Variants in TCERG1 observed in about 807,000 individuals in gnomAD.
TCERG1 encodes the protein TATA box binding protein (TBP)-associated factor, RNA polymerase II, S, 150kD.
A neutral mutation model predicts 144.7 loss-of-function variants in TCERG1; 37 were observed. The observed-to-expected ratio is 0.26, with a 90% CI of 0.20 to 0.34. The LOEUF (loss-of-function observed/expected upper bound fraction) is 0.34. Among genes scored for constraint, TCERG1 ranks in the 10% least tolerant of loss-of-function variants. The probability of loss-of-function intolerance (pLI) is 1.00; values close to 1 mark genes in which losing one functional copy is unlikely to be tolerated. For synonymous variants in TCERG1, 492 were observed against 458.2 expected (o/e 1.07, Z -0.94); for missense variants, 1,027 against 1,380.7 (o/e 0.74, Z 4.06).
chr5:146,454,981 G>C (rs1228099153), intron 1 of TCERG1, 75 bp from the exon 2 acceptor site: 1 of 1,468,618 alleles, frequency 6.8e-7, no homozygotes, highest in Non-Finnish European at 9.4e-7. Flanking sequence ...AAATTTGATG[G>C]ATGTAATTAG....
chr5:146,463,871 G>GT, intron 5 of TCERG1, 78 bp downstream of exon 5: 1 of 1,574,462 alleles, frequency 6.4e-7, no homozygotes, highest in Non-Finnish European at 8.7e-7. Flanking sequence ...TGTCTGTTGC[G>GT]TTTGAAATTT....
chr5:146,501,487 C>T (rs558438876), intron 17 of TCERG1, among the ~76,000 whole-genome samples: 5 of 152,306 alleles, frequency 3.3e-5, no homozygotes, highest in South Asian at 2.1e-4. Context: ...TTATAGGTTT[C>T]GTGTCTAATA....
intron 16 of TCERG1, among the ~76,000 whole-genome samples, chr5:146,497,290 C>A (rs756286644): frequency 8.5e-5 from 13 of 152,168 alleles, no homozygotes; most frequent in Non-Finnish European, 1.0e-4. Flanking sequence ...TTTGCCTCAG[C>A]TTCTCAAGTA....
At position 146,500,962 on chromosome 5, in the gene TCERG1, G is replaced by A. The variant is rs149407697; in HGVS notation, c.2433+2276G>A. ...AGTCAAGGTTGCAGTGAGTTTTGAT[G>A]GTTCCACTGCACTCCAGCCTGGACA... On this transcript the variant is annotated intron_variant, in intron 17 of 22. Transcript: ENST00000679501. Among the ~76,000 whole-genome samples, 658 of 149,706 alleles carry A rather than the reference G, an allele frequency of 4.4e-3. 2 individuals are homozygous for A. The highest frequency in any genetic ancestry group is 0.015 in the African/African-American group (627 of 40,512).
intron 9 of TCERG1, 131 bp from the exon 10 acceptor site, chr5:146,478,362 A>G (rs773527325): frequency 1.3e-4 from 116 of 912,446 alleles, no homozygotes; most frequent in African/African-American, 6.5e-4. Flanking sequence ...TTCTCTGTAA[A>G]TAACTATTGG....
intron 9 of TCERG1, among the ~76,000 whole-genome samples, chr5:146,476,706 G>A (rs1454964339): frequency 6.6e-6 from 1 of 152,110 alleles, no homozygotes; most frequent in African/African-American, 2.4e-5. Flanking sequence ...TTGGAGCTTC[G>A]TGGTCCTCAT....
At chr5:146,481,987 C>G (rs1765402528) in intron 13 of TCERG1, 1 of 152,148 alleles carries the variant, frequency 6.6e-6, no homozygotes, top group South Asian at 2.1e-4. Flanking sequence ...ACTTAAATCT[C>G]AACTTATCAC....
rs767612624 is a variant in TCERG1, at chr5:146,471,505, G to T, written c.1530G>T (p.Glu510Asp). ...TCTTGTAGGAGCCCAAAGAAGAGGA[G>T]ATGACTGAAGAAGAAAAGGCTGCCC... is the stretch of plus-strand genomic sequence containing the variant. ...KEIKEEPKEE[E>D]MTEEEKAAQK... The change falls in exon 9 of 23, where the codon GAG becomes GAT. Residue 510 changes from glutamate (E) to aspartate (D), a missense_variant. Coordinates refer to ENST00000679501, the MANE Select transcript of TCERG1 (RefSeq NM_001382548.1). The T allele has an allele frequency of 6.2e-7, 1 of 1,613,532 alleles. No homozygotes were observed. The highest frequency in any genetic ancestry group is 8.5e-7 in the Non-Finnish European group (1 of 1,179,718).
In TCERG1 at chr5:146,459,099, G is replaced by GGCCCAGGCCCAT; in HGVS notation, c.665_666insTGCCCAGGCCCA (p.Ala221_Gln222insHisAlaGlnAla). 2 of 1,525,308 alleles carry GGCCCAGGCCCAT rather than the reference G, an allele frequency of 1.3e-6. No homozygotes were observed. The highest frequency in any genetic ancestry group is 1.8e-6 in the Non-Finnish European group (2 of 1,108,628). 94.5% of individuals were successfully genotyped at this position (1,525,308 alleles called of 1,614,324 possible). A position where few individuals can be genotyped will look rare whatever the true frequency, so the allele number is the denominator to read the frequency against. ...AGGCCCAGGCCCAGGCCCAGGCCCA[G>GGCCCAGGCCCAT]GCCCAGGCCCAAGCCCAAGCCCAGG... is the stretch of plus-strand genomic sequence containing the variant. On this transcript the variant is annotated inframe_insertion, in exon 4 of 23. Transcript: ENST00000679501.
chr5:146,509,283 T>C (rs764717169), intron 22 of TCERG1, 38 bp downstream of exon 22: 2 of 1,232,094 alleles, frequency 1.6e-6, no homozygotes, highest in East Asian at 4.7e-5. Context: ...GCAGTCATTC[T>C]CTTTACTAGT....
At chr5:146,458,770 C>T (rs902635951) in intron 3 of TCERG1, 114 bp from the exon 4 acceptor site, 16 of 1,404,948 alleles carry the variant, frequency 1.1e-5, no homozygotes, top group Admixed American at 9.5e-5. Context: ...TGAGCCACCA[C>T]GCCTGGCCCT....
At chr5:146,462,232 T>C (rs757824863) in intron 4 of TCERG1, 1 of 152,658 alleles carries the variant, frequency 6.6e-6, no homozygotes, top group South Asian at 2.1e-4. Flanking sequence ...TATTAAATAG[T>C]GTGCTTTTGT....
chr5:146,479,723 C>A, intron 10 of TCERG1, 132 bp from the exon 11 acceptor site: 2 of 797,510 alleles, frequency 2.5e-6, no homozygotes, highest in Non-Finnish European at 4.0e-6. Flanking sequence ...TAGAATTATG[C>A]TTTGTTTAAT....
intron 9 of TCERG1, 38 bp from the exon 10 acceptor site, chr5:146,478,455 T>TGTAA: frequency 6.5e-7 from 1 of 1,532,646 alleles, no homozygotes; most frequent in South Asian, 1.3e-5. Flanking sequence ...AAATATGTTC[T>TGTAA]GTAACATAAG....
At chr5:146,473,929 C>T (rs902992638) in intron 9 of TCERG1, among the ~76,000 whole-genome samples, 1 of 152,114 alleles carries the variant, frequency 6.6e-6, no homozygotes, top group African/African-American at 2.4e-5. Context: ...GTCTGCAGCC[C>T]ATGGATCAAG....
intron 15 of TCERG1, among the ~76,000 whole-genome samples, chr5:146,487,902 C>G (rs1283648072): frequency 1.3e-5 from 2 of 152,060 alleles, no homozygotes; most frequent in African/African-American, 4.8e-5. Flanking sequence ...TAAAAACAGA[C>G]ACATAGACCA....
intron 1 of TCERG1, among the ~76,000 whole-genome samples, chr5:146,454,536 A>G (rs1229856436): frequency 6.6e-6 from 1 of 151,634 alleles, no homozygotes; most frequent in Non-Finnish European, 1.5e-5. Flanking sequence ...TCCATTGATC[A>G]TTCATCCAAA....
chr5:146,490,677 T>C (rs1766316541), intron 15 of TCERG1, among the ~76,000 whole-genome samples: 1 of 152,188 alleles, frequency 6.6e-6, no homozygotes, highest in Non-Finnish European at 1.5e-5. Flanking sequence ...CTTTTCAGTG[T>C]GGAAACTCAG....
Position 146,482,618 on chromosome 5 carries a change from C to T in TCERG1, c.1964C>T (p.Ser655Leu). 3 of 1,612,504 alleles carry T rather than the reference C, an allele frequency of 1.9e-6. No individual in the cohort carries two copies. The highest frequency in any genetic ancestry group is 2.5e-6 in the Non-Finnish European group (3 of 1,179,134). Residue 655 changes from serine to leucine, a missense_variant, in exon 14 of 23, where the codon TCA (serine) becomes TTA (leucine). By Grantham distance (145) the Ser-to-Leu change is moderately radical. Transcript: ENST00000679501. ...AGAGACGATAATAAAGACATTGACT[C>T]AGAGAAAGAAGCTGCCATGGAAGCT... ...FRRDDNKDID[S>L]EKEAAMEAEI... is the part of the protein sequence containing the mutation.
Sources: allele counts gnomAD v4.1 joint callset (sites outside exome capture counted in the v4.1 genomes callset), GRCh38; gene constraint gnomAD v4.1.1; transcripts MANE v1.5; gene names NCBI Gene and HGNC (gene_info 2026-07-23, HGNC 2026-07-21).